NCOA1: variants seen among roughly 807,000 people sequenced by gnomAD.
NCOA1 encodes the protein nuclear receptor coactivator 1.
Under a neutral mutation model 150.9 loss-of-function variants are expected in NCOA1, and 35 were observed. The observed-to-expected ratio is 0.23, with a 90% CI of 0.18 to 0.31. The LOEUF is 0.31. Among genes scored for constraint, NCOA1 ranks in the 10% least tolerant of loss-of-function variants. NCOA1 has a pLI of 1.00. For missense variants in NCOA1, 1,491 were observed against 1,749.3 expected (o/e 0.85, Z 2.63); for synonymous variants, 590 against 630.0 (o/e 0.94, Z 0.95).
chr2:24,681,710 C>CT (rs1291429104), intron 7 of NCOA1, among the ~76,000 whole-genome samples: 10,252 of 141,956 alleles, frequency 0.072, 379 homozygotes, highest in East Asian at 0.12. Flanking sequence ...GTACCCTGGC[C>CT]TTTTTTTTTT....
intron 3 of NCOA1, among the ~76,000 whole-genome samples, chr2:24,590,023 G>T (rs144453810): frequency 6.0e-4 from 91 of 152,204 alleles, no homozygotes; most frequent in African/African-American, 2.2e-3. Context: ...CTGTACTGTG[G>T]AAGAAACTAT....
At chr2:24,682,805 C>G (rs577188224) in intron 7 of NCOA1, 146 bp from the exon 8 acceptor site, 5 of 462,356 alleles carry the variant, frequency 1.1e-5, no homozygotes, top group African/African-American at 1.7e-4. Context: ...GTTTATGTCT[C>G]TCTCTCCTGC....
chr2:24,696,813 G>A (rs1463580521), intron 10 of NCOA1, among the ~76,000 whole-genome samples: 1 of 151,866 alleles, frequency 6.6e-6, no homozygotes. Context: ...GAGCAATATT[G>A]GTAACGTCAA....
chr2:24,693,148 C>A, intron 9 of NCOA1, 104 bp from the exon 10 acceptor site: 1 of 1,134,116 alleles, frequency 8.8e-7, no homozygotes, highest in Non-Finnish European at 1.3e-6. Context: ...GCCACCACGT[C>A]TGGCCAACAT....
At chr2:24,704,176 A>G (rs1419932518) in intron 11 of NCOA1, among the ~76,000 whole-genome samples, 1 of 152,210 alleles carries the variant, frequency 6.6e-6, no homozygotes, top group Non-Finnish European at 1.5e-5. Flanking sequence ...AAATTCAAAC[A>G]TTAAAAATAG....
Position 24,711,949 on chromosome 2 carries a change from G to A in NCOA1, c.2599+838G>A, listed in dbSNP as rs139491462. On this transcript the variant is annotated intron_variant, in intron 14 of 22. Transcript: ENST00000348332. The stretch of plus-strand genomic sequence containing the variant: ...TATCCCTTTTCTGATGGTATCATAT[G>A]TGGGACTTCAGTTATTTCAGTCCAA... 2.6e-4 allele frequency among the ~76,000 whole-genome samples: 39 copies of A among 152,348 alleles called. 3 individuals carry two copies. In the East Asian group the frequency reaches 7.5e-3, roughly 29 times the overall value.
intron 3 of NCOA1, among the ~76,000 whole-genome samples, chr2:24,612,160 C>T (rs1668660040): frequency 6.6e-6 from 1 of 152,066 alleles, no homozygotes; most frequent in Non-Finnish European, 1.5e-5. Flanking sequence ...TTTATTTCTT[C>T]TTTGCTTATG....
intron 1 of NCOA1, among the ~76,000 whole-genome samples, chr2:24,537,601 A>G (rs1665214636): frequency 6.6e-6 from 1 of 151,980 alleles, no homozygotes; most frequent in Non-Finnish European, 1.5e-5. Flanking sequence ...AAATGGGGAT[A>G]TGTAGGTCAA....
intron 3 of NCOA1, among the ~76,000 whole-genome samples, chr2:24,638,429 G>T (rs557402588): frequency 2.6e-5 from 4 of 152,100 alleles, no homozygotes; most frequent in African/African-American, 7.2e-5. Flanking sequence ...TGTAAATAGT[G>T]TTGCAGTCAA....
intron 2 of NCOA1, among the ~76,000 whole-genome samples, chr2:24,578,702 A>G (rs1667083268): frequency 6.6e-6 from 1 of 152,142 alleles, no homozygotes; most frequent in Admixed American, 6.5e-5. Flanking sequence ...CTCATTTGAG[A>G]GGTAGTATGG....
At chr2:24,734,613 AGCAAGACTCTGTCTCTAC>A (rs1663193803) in intron 17 of NCOA1, among the ~76,000 whole-genome samples, 1 of 152,226 alleles carries the variant, frequency 6.6e-6, no homozygotes, top group East Asian at 1.9e-4. Flanking sequence ...TGGGCAACAT[AGCAAGACTCTGTCTCTAC>A]CAAAAATAAA....
chr2:24,661,485 G>A (rs1671181735), intron 5 of NCOA1, among the ~76,000 whole-genome samples: 1 of 152,052 alleles, frequency 6.6e-6, no homozygotes, highest in Admixed American at 6.5e-5. Context: ...GATGTCTCTT[G>A]ACATACAGAG....
rs1663676864 is a variant in NCOA1, at chr2:24,505,984, T to A, written c.-396+14382T>A. Among the ~76,000 whole-genome samples, 4 of 150,740 alleles carry A rather than the reference T, an allele frequency of 2.7e-5. No individual in the cohort carries two copies. The South Asian group carries it at 6.3e-4, about 24-fold the overall frequency. On this transcript the variant is annotated intron_variant, in intron 1 of 22. Coordinates refer to ENST00000348332, the MANE Select transcript of NCOA1 (RefSeq NM_003743.5). ...TAGACAGACTCACTCACACACACAC[T>A]CACTCTCACATGCTTGAATGAGTGA...
intron 14 of NCOA1, among the ~76,000 whole-genome samples, chr2:24,714,429 A>G (rs1223896260): frequency 1.3e-5 from 2 of 152,162 alleles, no homozygotes; most frequent in African/African-American, 2.4e-5. Context: ...AGATTTGAAA[A>G]TAGCTATTCT....
chr2:24,697,543 T>C, intron 10 of NCOA1, 115 bp from the exon 11 acceptor site: 1 of 931,644 alleles, frequency 1.1e-6, no homozygotes. Flanking sequence ...TTTTTGATGC[T>C]TTTGTTTATT....
chr2:24,516,855 A>G (rs1664194198), intron 1 of NCOA1, among the ~76,000 whole-genome samples: 2 of 122,082 alleles, frequency 1.6e-5, no homozygotes, highest in Non-Finnish European at 3.4e-5. Flanking sequence ...TTAAAAATAT[A>G]TCTTTATATA....
At chr2:24,516,484 G>T (rs1448208936) in intron 1 of NCOA1, among the ~76,000 whole-genome samples, 1 of 150,660 alleles carries the variant, frequency 6.6e-6, no homozygotes. Context: ...GAGCCACCGT[G>T]CCCGGCCCGC....
At chr2:24,753,070 G>GA (rs1664328307) in intron 20 of NCOA1, among the ~76,000 whole-genome samples, 1 of 152,180 alleles carries the variant, frequency 6.6e-6, no homozygotes, top group African/African-American at 2.4e-5. Flanking sequence ...AAAGGTGAGA[G>GA]AAAATCTTCA....
chr2:24,736,406 A>G (rs924345897), intron 17 of NCOA1, among the ~76,000 whole-genome samples: 2 of 152,140 alleles, frequency 1.3e-5, no homozygotes, highest in Non-Finnish European at 2.9e-5. Flanking sequence ...ATACTTAGCA[A>G]TCTTAAAACA....
Sources: allele counts gnomAD v4.1 joint callset (sites outside exome capture counted in the v4.1 genomes callset), GRCh38; gene constraint gnomAD v4.1.1; transcripts MANE v1.5; gene names NCBI Gene and HGNC (gene_info 2026-07-23, HGNC 2026-07-21).